The following SLC24A3 variants were observed in gnomAD, a reference collection of about 807,000 sequenced individuals.
The protein encoded by SLC24A3 is solute carrier family 24 member 3, also known as sodium/potassium/calcium exchanger 3.
A neutral mutation model predicts 75.8 loss-of-function variants in SLC24A3; 28 were observed. That is an observed-to-expected ratio of 0.37 (90% CI 0.27 to 0.51). SLC24A3 has a LOEUF of 0.51. Ranked by LOEUF, SLC24A3 falls within the 20% of genes least tolerant of loss-of-function variation. The pLI, the probability that SLC24A3 is intolerant of heterozygous loss-of-function variation, is 0.94. For missense variants in SLC24A3, 663 were observed against 847.8 expected (o/e 0.78, Z 2.71); for synonymous variants, 372 against 334.1 (o/e 1.11, Z -1.24).
At chr20:19,654,641 C>CTTTTTTTTTTTTTTTTTTTTTTTTT (rs34507566) in intron 7 of SLC24A3, among the ~76,000 whole-genome samples, 1 of 89,950 alleles carries the variant, frequency 1.1e-5, no homozygotes, top group African/African-American at 4.6e-5. Flanking sequence ...AAATAGAATC[C>CTTTTTTTTTTTTTTTTTTTTTTTTT]TTTTTTTTTT....
chr20:19,404,498 T>C (rs1407344783), intron 2 of SLC24A3, among the ~76,000 whole-genome samples: 1 of 152,108 alleles, frequency 6.6e-6, no homozygotes, highest in Non-Finnish European at 1.5e-5. Flanking sequence ...AAACAAGAAA[T>C]CCCCTGGAGC....
At chr20:19,612,624 G>A (rs1336396387) in intron 6 of SLC24A3, among the ~76,000 whole-genome samples, 4 of 151,976 alleles carry the variant, frequency 2.6e-5, no homozygotes, top group Non-Finnish European at 5.9e-5. Flanking sequence ...GTGTGTGTGT[G>A]TGTGTGTGTG....
chr20:19,239,873 G>A (rs2122162029), intron 1 of SLC24A3, among the ~76,000 whole-genome samples: 1 of 152,284 alleles, frequency 6.6e-6, no homozygotes, highest in South Asian at 2.1e-4. Flanking sequence ...CCAGGGCTGG[G>A]AAGCTGCCCC....
At chr20:19,693,149 T>A in intron 12 of SLC24A3, 110 bp from the exon 13 acceptor site, 1 of 1,206,546 alleles carries the variant, frequency 8.3e-7, no homozygotes, top group Non-Finnish European at 1.1e-6. Flanking sequence ...ATAATAAGGT[T>A]TAATTCTGGG....
chr20:19,257,141 A>C (rs2122188471), intron 1 of SLC24A3, among the ~76,000 whole-genome samples: 1 of 152,238 alleles, frequency 6.6e-6, no homozygotes, highest in South Asian at 2.1e-4. Context: ...CTTTTTGAAA[A>C]CCATTTGCAA....
intron 2 of SLC24A3, among the ~76,000 whole-genome samples, chr20:19,507,133 G>A (rs1248543491): frequency 6.6e-6 from 1 of 152,080 alleles, no homozygotes; most frequent in Admixed American, 6.5e-5. Context: ...TTTGTTCAGG[G>A]GCCTTTATTT....
At chr20:19,471,004 T>C (rs1987861200) in intron 2 of SLC24A3, among the ~76,000 whole-genome samples, 1 of 152,136 alleles carries the variant, frequency 6.6e-6, no homozygotes, top group African/African-American at 2.4e-5. Flanking sequence ...AGGTTGAGCA[T>C]CTAAGATTCA....
chr20:19,459,816 C>A (rs918594525), intron 2 of SLC24A3, among the ~76,000 whole-genome samples: 1 of 152,176 alleles, frequency 6.6e-6, no homozygotes, highest in Admixed American at 6.5e-5. Context: ...CCTCCCACCC[C>A]CATTTGGACC....
At position 19,232,072 on chromosome 20, in the gene SLC24A3, G is replaced by T. The variant is rs1173572543; in HGVS notation, c.142+19088G>T. Among the ~76,000 whole-genome samples, 5 of 152,062 alleles carry T rather than the reference G, an allele frequency of 3.3e-5. No homozygotes were observed. The East Asian group carries it at 9.6e-4, about 29-fold the overall frequency. On this transcript the variant is annotated intron_variant, in intron 1 of 16. Transcript: ENST00000328041. ...CCAGGTGACATTGTACCAACTAAATGGAAGCTAACTTTTATCTTGTGGTGG... is the reference window on the plus strand; with the variant it reads ...CCAGGTGACATTGTACCAACTAAATTGAAGCTAACTTTTATCTTGTGGTGG...
chr20:19,332,985 G>A (rs1471199251), intron 2 of SLC24A3, among the ~76,000 whole-genome samples: 1 of 152,190 alleles, frequency 6.6e-6, no homozygotes, highest in Non-Finnish European at 1.5e-5. Flanking sequence ...TTTTTCTTTA[G>A]CAGGCTAAAG....
chr20:19,527,344 GC>G (rs2030217686), intron 3 of SLC24A3, among the ~76,000 whole-genome samples: 2 of 152,160 alleles, frequency 1.3e-5, no homozygotes, highest in Non-Finnish European at 2.9e-5. Flanking sequence ...TGGAAGAAGT[GC>G]TCATTGAATG....
At chr20:19,434,355 T>C (rs1284096746) in intron 2 of SLC24A3, among the ~76,000 whole-genome samples, 1 of 152,114 alleles carries the variant, frequency 6.6e-6, no homozygotes, top group Non-Finnish European at 1.5e-5. Context: ...CTGAACAAGG[T>C]GCGAGAGAAA....
At chr20:19,544,830 G>A (rs555583568) in intron 3 of SLC24A3, among the ~76,000 whole-genome samples, 1 of 152,126 alleles carries the variant, frequency 6.6e-6, no homozygotes, top group East Asian at 1.9e-4. Context: ...AGGAACCCAA[G>A]GCAGTTTGAA....
rs545353094 is a variant in SLC24A3, at chr20:19,212,958, C to G, written c.116C>G (p.Ser39Trp). The change falls in exon 1 of 17, where the codon TCG (serine) becomes TGG (tryptophan). Residue 39 changes from serine to tryptophan, a missense_variant. Ser to Trp is a radical substitution (Grantham distance 177). Coordinates refer to ENST00000328041, the MANE Select transcript of SLC24A3 (RefSeq NM_020689.4). Reference protein sequence around the residue: ...FLASVALLLWSLSSLREQKEL... With the variant: ...FLASVALLLWWLSSLREQKEL... ...GCCTCGGTGGCGCTGCTGCTCTGGT[C>G]GCTGTCGAGCCTGCGAGAGCAGAAG... is the stretch of plus-strand genomic sequence containing the variant. 281 of 1,317,740 alleles carry G rather than the reference C, an allele frequency of 2.1e-4. 4 individuals are homozygous for G. The South Asian group carries it at 5.3e-3, about 25-fold the overall frequency. The allele number at this position is 1,317,740 out of a possible 1,614,324, so 81.6% of individuals were successfully genotyped here. A position where few individuals can be genotyped will look rare whatever the true frequency, so the allele number is the denominator to read the frequency against.
rs141487469 is a variant in SLC24A3 at position 19,266,650 on chromosome 20, A to T, written c.143-14309A>T. 2.3e-3 allele frequency among the ~76,000 whole-genome samples: 354 copies of T among 152,366 alleles called. 2 individuals are homozygous for T. The highest frequency in any genetic ancestry group is 8.2e-3 in the African/African-American group (339 of 41,592). ...GATGTAGAGTTGTCAAATTCTACTC[A>T]ATTGGAAACAAAAAAGTGAGTTTTA... is the stretch of plus-strand genomic sequence containing the variant. On this transcript the variant is annotated intron_variant, in intron 1 of 16. Coordinates refer to ENST00000328041, the MANE Select transcript of SLC24A3 (RefSeq NM_020689.4).
intron 2 of SLC24A3, among the ~76,000 whole-genome samples, chr20:19,475,894 C>T (rs2122512633): frequency 6.6e-6 from 1 of 152,326 alleles, no homozygotes; most frequent in African/African-American, 2.4e-5. Flanking sequence ...ATTAAAACTA[C>T]AGCATCAAAC....
At chr20:19,237,300 C>G (rs894468434) in intron 1 of SLC24A3, among the ~76,000 whole-genome samples, 1 of 150,874 alleles carries the variant, frequency 6.6e-6, no homozygotes, top group South Asian at 2.1e-4. Flanking sequence ...ATGGCGGGGT[C>G]GTGCATCTGG....
intron 3 of SLC24A3, among the ~76,000 whole-genome samples, chr20:19,552,648 T>G (rs1419933652): frequency 1.3e-5 from 2 of 152,212 alleles, no homozygotes; most frequent in African/African-American, 4.8e-5. Flanking sequence ...TGATTTCAGC[T>G]GATCCCATTC....
chr20:19,704,272 G>A (rs1015438378), intron 15 of SLC24A3, among the ~76,000 whole-genome samples: 3 of 152,064 alleles, frequency 2.0e-5, no homozygotes, highest in African/African-American at 7.2e-5. Flanking sequence ...AAGAGAGTAG[G>A]GGGGCAAGCA....
Sources: gnomAD v4.1 joint callset for allele counts (sites outside exome capture counted in the v4.1 genomes callset) on GRCh38, gnomAD v4.1.1 for gene constraint, MANE v1.5 for transcripts, NCBI Gene and HGNC (gene_info 2026-07-23, HGNC 2026-07-21) for gene names.